The following COL13A1 variants were observed in gnomAD, a reference collection of about 807,000 sequenced individuals.
COL13A1 encodes collagen alpha-1(XIII) chain.
COL13A1 carries 89 observed loss-of-function variants against 130.9 expected under a neutral mutation model. That is an observed-to-expected ratio of 0.68 (90% CI 0.57 to 0.81). COL13A1 has a LOEUF of 0.81. Among genes scored for constraint, COL13A1 ranks in the 30% least tolerant of loss-of-function variants. The pLI, the probability that COL13A1 is intolerant of heterozygous loss-of-function variation, is 0.00. For synonymous variants in COL13A1, 402 were observed against 341.6 expected (o/e 1.18, Z -1.95); for missense variants, 879 against 934.6 (o/e 0.94, Z 0.78).
intron 2 of COL13A1, among the ~76,000 whole-genome samples, chr10:69,847,942 C>A (rs1186472482): frequency 6.6e-6 from 1 of 152,234 alleles, no homozygotes; most frequent in African/African-American, 2.4e-5. Context: ...GCATAAGAGA[C>A]CCTTCTGAGA....
At chr10:69,950,706 A>G (rs1432436471) in intron 38 of COL13A1, among the ~76,000 whole-genome samples, 1 of 152,254 alleles carries the variant, frequency 6.6e-6, no homozygotes, top group Non-Finnish European at 1.5e-5. Flanking sequence ...ATACATATTT[A>G]AACGCATGTC....
chr10:69,908,983 A>G (rs571715606), intron 17 of COL13A1, among the ~76,000 whole-genome samples: 4 of 152,294 alleles, frequency 2.6e-5, no homozygotes, highest in East Asian at 1.9e-4. Flanking sequence ...GAGGTGTTCA[A>G]TTAGAGGCTG....
intron 23 of COL13A1, 60 bp from the exon 24 acceptor site, chr10:69,923,742 T>G: frequency 1.3e-6 from 2 of 1,571,242 alleles, no homozygotes; most frequent in African/African-American, 1.4e-5. Context: ...ATCTTTTCCC[T>G]CATAAGCAGC....
chr10:69,933,586 G>A (rs114510618), intron 31 of COL13A1, among the ~76,000 whole-genome samples: 231 of 152,210 alleles, frequency 1.5e-3, no homozygotes, highest in African/African-American at 5.3e-3. Context: ...TCCCCATCAG[G>A]GTGGGTTCAC....
intron 3 of COL13A1, among the ~76,000 whole-genome samples, chr10:69,868,215 G>A (rs750463678): frequency 4.6e-5 from 7 of 151,684 alleles, no homozygotes; most frequent in Admixed American, 1.3e-4. Flanking sequence ...ACAGGTCATC[G>A]AGCTGGCTGC....
At chr10:69,861,905 G>A (rs1315735249) in intron 2 of COL13A1, among the ~76,000 whole-genome samples, 2 of 152,202 alleles carry the variant, frequency 1.3e-5, no homozygotes, top group Non-Finnish European at 2.9e-5. Context: ...GGGGTGTCTT[G>A]TGGCCGAGAG....
intron 31 of COL13A1, among the ~76,000 whole-genome samples, chr10:69,935,077 T>C (rs1026280536): frequency 6.6e-6 from 1 of 150,732 alleles, no homozygotes; most frequent in Non-Finnish European, 1.5e-5. Context: ...GTGTTTTTTT[T>C]GTTTTTTTTT....
chr10:69,957,003 G>A lies in COL13A1; in HGVS notation c.2146-1G>A. The A allele has an allele frequency of 6.2e-7, 1 of 1,613,688 alleles. No individual in the cohort carries two copies. Among genetic ancestry groups the A allele is most frequent in the Non-Finnish European group, 8.5e-7 (1 of 1,179,654 alleles). ...CCCTCTGCCTTCCTTTCTCCTTGCA[G>A]GGCGAAGATGGCTTACCAGTCCAAG... On this transcript the variant is annotated splice_acceptor_variant, in intron 39 of 40. Coordinates refer to ENST00000645393, the MANE Select transcript of COL13A1 (RefSeq NM_001368882.1). LOFTEE classifies it high-confidence loss of function.
chr10:69,906,701 G>A (rs2062787930), intron 17 of COL13A1, among the ~76,000 whole-genome samples: 1 of 151,996 alleles, frequency 6.6e-6, no homozygotes, highest in Non-Finnish European at 1.5e-5. Flanking sequence ...AAGCATTTGT[G>A]GCCTTTTTGT....
intron 6 of COL13A1, among the ~76,000 whole-genome samples, chr10:69,878,551 G>A (rs752331396): frequency 3.3e-4 from 50 of 152,030 alleles, no homozygotes; most frequent in Admixed American, 1.2e-3. Flanking sequence ...GCGAGATCTC[G>A]GCTCACTGCA....
At chr10:69,905,718 G>A (rs762598877) in intron 16 of COL13A1, 69 bp from the exon 17 acceptor site, 18 of 1,549,464 alleles carry the variant, frequency 1.2e-5, no homozygotes, top group African/African-American at 2.7e-5. Context: ...GGTATTGTGT[G>A]GGGAACAGCA....
At chr10:69,868,421 C>G (rs1003964730) in intron 3 of COL13A1, among the ~76,000 whole-genome samples, 1 of 152,158 alleles carries the variant, frequency 6.6e-6, no homozygotes, top group Non-Finnish European at 1.5e-5. Context: ...GCTAGGAAGC[C>G]CAGGGTGGGG....
Position 69,802,348 on chromosome 10 carries a change from GA to G in COL13A1, c.-75del. On this transcript the variant is annotated 5_prime_UTR_variant, in exon 1 of 41. Transcript: ENST00000645393. ...CCCTTTCCCCCTGCCCCGCAGTTTGGATAGAGCCTTTTGGCAGCGGCTGTCG... is the reference window on the plus strand; with the variant it reads ...CCCTTTCCCCCTGCCCCGCAGTTTGGTAGAGCCTTTTGGCAGCGGCTGTCG... 2.2e-6 allele frequency: 3 copies of G among 1,372,688 alleles called. No individual in the cohort carries two copies. The highest frequency in any genetic ancestry group is 2.8e-6 in the Non-Finnish European group (3 of 1,064,226). The allele number at this position is 1,372,688 out of a possible 1,614,324, so 85.0% of individuals were successfully genotyped here. A position where few individuals can be genotyped will look rare whatever the true frequency, so the allele number is the denominator to read the frequency against.
intron 2 of COL13A1, among the ~76,000 whole-genome samples, chr10:69,867,106 G>A (rs892426969): frequency 2.0e-5 from 3 of 152,168 alleles, no homozygotes; most frequent in African/African-American, 7.2e-5. Context: ...TGCCAGTAAT[G>A]AGATAGGGCT....
chr10:69,904,515 A>G (rs2062533935), intron 15 of COL13A1, among the ~76,000 whole-genome samples: 1 of 152,190 alleles, frequency 6.6e-6, no homozygotes, highest in Non-Finnish European at 1.5e-5. Context: ...AGAAGGAGAC[A>G]GAGGGCTCCT....
chr10:69,860,945 A>G (rs1325459559), intron 2 of COL13A1, among the ~76,000 whole-genome samples: 1 of 152,224 alleles, frequency 6.6e-6, no homozygotes, highest in Non-Finnish European at 1.5e-5. Flanking sequence ...ACAGGACTGC[A>G]TCGGGAAGGA....
intron 1 of COL13A1, among the ~76,000 whole-genome samples, chr10:69,822,008 G>T (rs1267898806): frequency 6.6e-6 from 1 of 152,182 alleles, no homozygotes; most frequent in Non-Finnish European, 1.5e-5. Flanking sequence ...GGGTCCATCA[G>T]GAGCCCAGTC....
intron 2 of COL13A1, among the ~76,000 whole-genome samples, chr10:69,849,675 C>G (rs1042625569): frequency 3.3e-5 from 5 of 152,212 alleles, no homozygotes; most frequent in Non-Finnish European, 5.9e-5. Context: ...TGGCGGCTCC[C>G]ACTGTCTTCC....
At chr10:69,819,262 G>A (rs1457423284) in intron 1 of COL13A1, among the ~76,000 whole-genome samples, 3 of 152,168 alleles carry the variant, frequency 2.0e-5, no homozygotes, top group African/African-American at 2.4e-5. Flanking sequence ...CCTGTTGCAC[G>A]GGTCAGTGAT....
Sources: gnomAD v4.1 joint callset for allele counts (sites outside exome capture counted in the v4.1 genomes callset) on GRCh38, gnomAD v4.1.1 for gene constraint, MANE v1.5 for transcripts, NCBI Gene and HGNC (gene_info 2026-07-23, HGNC 2026-07-21) for gene names.